NDRG2: variants seen among roughly 807,000 people sequenced by gnomAD.
The protein encoded by NDRG2 is NDRG family member 2.
NDRG2 carries 34 observed loss-of-function variants against 58.2 expected under a neutral mutation model. The ratio of observed to expected loss-of-function variants is 0.58; its 90% CI spans 0.44 to 0.78. The LOEUF is 0.78. NDRG2 is among the 30% of genes least tolerant of loss of function. The pLI, the probability that NDRG2 is intolerant of heterozygous loss-of-function variation, is 0.00. For missense variants in NDRG2, 434 were observed against 471.2 expected (o/e 0.92, Z 0.73); for synonymous variants, 187 against 175.9 (o/e 1.06, Z -0.50).
chr14:21,024,448 A>G lies in NDRG2; in HGVS notation c.-425T>C, dbSNP rs979668653. The G allele has an allele frequency of 3.2e-6, 3 of 926,566 alleles. No individual in the cohort carries two copies. Among genetic ancestry groups the G allele is most frequent in the South Asian group, 5.0e-5 (1 of 20,108 alleles). The allele number at this position is 926,566 out of a possible 1,614,324, so 57.4% of individuals were successfully genotyped here. A position where few individuals can be genotyped will look rare whatever the true frequency, so the allele number is the denominator to read the frequency against. ...TTACTACATTTGGCCTCAATTTTCT[A>G]TCTGCAGGGGGACTAAACGCGGGGG... On this transcript the variant is annotated 5_prime_UTR_variant, in exon 1 of 16. Transcript: ENST00000556147.
chr14:21,016,955 A>C lies in NDRG2; in HGVS notation c.*641T>G. On this transcript the variant is annotated 3_prime_UTR_variant, in exon 16 of 16. Coordinates refer to ENST00000556147, the MANE Select transcript of NDRG2 (RefSeq NM_001320329.2). Reference sequence around the variant, plus strand: ...CACTCTAGATGCACACTGAGCTACCAAAGTTAGTGCAGCCAAACGGCCCCA... The same window carrying C: ...CACTCTAGATGCACACTGAGCTACCCAAGTTAGTGCAGCCAAACGGCCCCA... 2.2e-6 allele frequency: 1 copy of C among 456,618 alleles called. No individual in the cohort carries two copies. Among genetic ancestry groups the C allele is most frequent in the South Asian group, 1.5e-5 (1 of 64,558 alleles). 28.3% of individuals were successfully genotyped at this position (456,618 alleles called of 1,614,324 possible).
intron 8 of NDRG2, 185 bp downstream of exon 8, chr14:21,020,302 AAAAAAAAAG>A: frequency 3.4e-6 from 2 of 580,598 alleles, no homozygotes. Flanking sequence ...TCAAAAAAAA[AAAAAAAAAG>A]AAAAAGAAAA....
intron 1 of NDRG2, among the ~76,000 whole-genome samples, chr14:21,061,651 T>C (rs1885968163): frequency 6.6e-6 from 1 of 152,204 alleles, no homozygotes; most frequent in Admixed American, 6.5e-5. Flanking sequence ...AGGACATAAA[T>C]ATTTTCCAGT....
chr14:21,017,375 G>C lies in NDRG2; in HGVS notation c.*221C>G, dbSNP rs1007136094. 8.3e-6 allele frequency: 5 copies of C among 599,140 alleles called. No homozygotes were observed. The highest frequency in any genetic ancestry group is 1.5e-5 in the Non-Finnish European group (5 of 341,262). 37.1% of individuals were successfully genotyped at this position (599,140 alleles called of 1,614,324 possible). Reference sequence around the variant, plus strand: ...AAATGGGGGAGGAGGAGAATTTAGGGGTCTGGGTCCCTAAGAGATATTAGG... The same window carrying C: ...AAATGGGGGAGGAGGAGAATTTAGGCGTCTGGGTCCCTAAGAGATATTAGG... On this transcript the variant is annotated 3_prime_UTR_variant, in exon 16 of 16. Coordinates refer to ENST00000556147, the MANE Select transcript of NDRG2 (RefSeq NM_001320329.2).
intron 1 of NDRG2, among the ~76,000 whole-genome samples, chr14:21,055,665 G>T (rs984687951): frequency 6.6e-6 from 1 of 152,190 alleles, no homozygotes; most frequent in Non-Finnish European, 1.5e-5. Flanking sequence ...AAAGTCTCTG[G>T]TCAGTCATCT....
At chr14:21,032,521 C>T in intron 1 of NDRG2, 2 of 347,752 alleles carry the variant, frequency 5.8e-6, no homozygotes, top group South Asian at 2.1e-5. Flanking sequence ...CTCCACCTTC[C>T]TCATCTGTTG....
In NDRG2 at chr14:21,067,781, C is replaced by T. The variant is rs186065167; in HGVS notation, c.24+3047G>A. On this transcript the variant is annotated intron_variant, in intron 1 of 14. Coordinates refer to the NDRG2 transcript ENST00000403829. ...ACACGTACACACACACACACACACA[C>T]ACACTTTTAGGTAAGAGCCTGCATT... Among the ~76,000 whole-genome samples the T allele has an allele frequency of 2.9e-3, 436 of 151,826 alleles. 2 individuals carry two copies. The highest frequency in any genetic ancestry group is 0.01 in the African/African-American group (417 of 41,356).
chr14:21,035,548 G>A (rs985815557), intron 1 of NDRG2, among the ~76,000 whole-genome samples: 4 of 152,162 alleles, frequency 2.6e-5, no homozygotes, highest in African/African-American at 9.7e-5. Context: ...CCAGATTTGG[G>A]GCCTCCTCTT....
chr14:21,067,624 G>T (rs894992840), intron 1 of NDRG2, among the ~76,000 whole-genome samples: 3 of 152,150 alleles, frequency 2.0e-5, no homozygotes, highest in African/African-American at 7.2e-5. Context: ...GTGAAATATG[G>T]TAAGAACTGT....
At chr14:21,051,148 A>G (rs1467036600) in intron 1 of NDRG2, among the ~76,000 whole-genome samples, 3 of 152,210 alleles carry the variant, frequency 2.0e-5, no homozygotes, top group African/African-American at 7.2e-5. Context: ...GGGTAGCAGT[A>G]CACTGGCTCT....
Sources: allele counts gnomAD v4.1 joint callset (sites outside exome capture counted in the v4.1 genomes callset), GRCh38; gene constraint gnomAD v4.1.1; transcripts MANE v1.5; gene names NCBI Gene and HGNC (gene_info 2026-07-23, HGNC 2026-07-21).